Variants in NELL1 observed in about 807,000 individuals in gnomAD.
NELL1 encodes the protein protein kinase C-binding protein NELL1.
In NELL1, 76 loss-of-function variants were observed where a neutral mutation model predicts 107.4. The observed-to-expected ratio is 0.71, with a 90% CI of 0.59 to 0.86. The LOEUF (loss-of-function observed/expected upper bound fraction) is 0.86, where lower values mean the gene tolerates loss of function less well. Ranked by LOEUF, NELL1 falls within the 40% of genes least tolerant of loss-of-function variation. The pLI is 0.00. For synonymous variants in NELL1, 353 were observed against 341.2 expected, an observed-to-expected ratio of 1.03 and a Z score of -0.38; for missense variants, 1,024 against 1,005.5, an observed-to-expected ratio of 1.02 and a Z score of -0.25.
intron 3 of NELL1, among the ~76,000 whole-genome samples, chr11:20,788,052 A>T (rs1857003720): frequency 1.3e-5 from 2 of 152,090 alleles, no homozygotes; most frequent in Non-Finnish European, 2.9e-5. Context: ...ACTTCTTTTT[A>T]TTGCAGAATA....
chr11:21,172,616 A>G (rs1376634920), intron 13 of NELL1, among the ~76,000 whole-genome samples: 1 of 151,758 alleles, frequency 6.6e-6, no homozygotes, highest in Non-Finnish European at 1.5e-5. Context: ...GATTAATCCC[A>G]TGGGCTATTT....
At chr11:21,009,671 A>G (rs1457643229) in intron 12 of NELL1, among the ~76,000 whole-genome samples, 3 of 152,060 alleles carry the variant, frequency 2.0e-5, no homozygotes, top group African/African-American at 7.2e-5. Flanking sequence ...TATATTTGAC[A>G]TGCCCGTAGA....
chr11:20,878,941 T>A (rs996694116), intron 4 of NELL1, among the ~76,000 whole-genome samples: 5 of 152,120 alleles, frequency 3.3e-5, no homozygotes, highest in African/African-American at 1.2e-4. Flanking sequence ...ACAAGCTAAG[T>A]GATGGAGACT....
chr11:20,877,403 G>C (rs983467416), intron 4 of NELL1, among the ~76,000 whole-genome samples: 9 of 152,172 alleles, frequency 5.9e-5, no homozygotes, highest in Admixed American at 1.3e-4. Context: ...ATTAGGAAAG[G>C]TACTGTGGAG....
intron 10 of NELL1, among the ~76,000 whole-genome samples, chr11:20,942,175 G>C (rs1190775091): frequency 6.6e-6 from 1 of 152,214 alleles, no homozygotes; most frequent in East Asian, 1.9e-4. Context: ...TTTATGGAGA[G>C]CTGGGAAGGA....
chr11:21,559,006 G>T (rs546653191), intron 16 of NELL1, among the ~76,000 whole-genome samples: 1 of 152,088 alleles, frequency 6.6e-6, no homozygotes, highest in East Asian at 1.9e-4. Context: ...TCATAATTTG[G>T]GATCTTTTCT....
intron 15 of NELL1, among the ~76,000 whole-genome samples, chr11:21,397,437 C>A (rs1475482681): frequency 6.6e-6 from 1 of 151,492 alleles, no homozygotes; most frequent in Non-Finnish European, 1.5e-5. Context: ...ATTACTCAGT[C>A]TTTATACTAA....
rs182578845 is a variant in NELL1 at position 20,908,081 on chromosome 11, C to T, written c.604-10101C>T. 4.5e-4 allele frequency among the ~76,000 whole-genome samples: 69 copies of T among 152,128 alleles called. No homozygotes were observed. The South Asian group carries it at 0.011, about 24-fold the overall frequency. On this transcript the variant is annotated intron_variant, in intron 5 of 19. Transcript: ENST00000357134. ...ATCCTGGTGAGGCTGTGGAGAAATA[C>T]GAACATTTTTATGCTATTGGTGGGA...
At chr11:21,277,103 G>A (rs1190840158) in intron 14 of NELL1, among the ~76,000 whole-genome samples, 23 of 151,642 alleles carry the variant, frequency 1.5e-4, no homozygotes, top group Admixed American at 5.3e-4. Context: ...CCATCAGAGT[G>A]AACAGGCAAC....
intron 3 of NELL1, among the ~76,000 whole-genome samples, chr11:20,835,490 G>T (rs1848516841): frequency 6.6e-6 from 1 of 152,102 alleles, no homozygotes. Context: ...TTTTGAGTGG[G>T]AGAATATGTA....
At chr11:21,417,095 A>G (rs974510815) in intron 15 of NELL1, among the ~76,000 whole-genome samples, 1 of 152,108 alleles carries the variant, frequency 6.6e-6, no homozygotes, top group Non-Finnish European at 1.5e-5. Flanking sequence ...AATATATACT[A>G]TTAAATGTGT....
chr11:21,241,603 T>C (rs1858361054), intron 14 of NELL1, among the ~76,000 whole-genome samples: 1 of 152,082 alleles, frequency 6.6e-6, no homozygotes, highest in South Asian at 2.1e-4. Flanking sequence ...AATGTACAAG[T>C]GTCAGCATAA....
chr11:21,057,598 A>G (rs1853642912), intron 12 of NELL1, among the ~76,000 whole-genome samples: 1 of 152,018 alleles, frequency 6.6e-6, no homozygotes, highest in African/African-American at 2.4e-5. Flanking sequence ...CATACAATTA[A>G]AAAGTAGTAT....
intron 12 of NELL1, among the ~76,000 whole-genome samples, chr11:20,998,613 G>A (rs1852144641): frequency 6.6e-6 from 1 of 152,144 alleles, no homozygotes. Flanking sequence ...AATGCATCTT[G>A]AGAACTGTTA....
intron 14 of NELL1, among the ~76,000 whole-genome samples, chr11:21,301,416 G>A (rs1849489629): frequency 6.6e-6 from 1 of 152,032 alleles, no homozygotes; most frequent in South Asian, 2.1e-4. Context: ...ATTGTTTCAG[G>A]ACTTTTTAAT....
intron 5 of NELL1, among the ~76,000 whole-genome samples, chr11:20,902,198 T>A (rs1404683047): frequency 6.6e-6 from 1 of 151,636 alleles, no homozygotes; most frequent in African/African-American, 2.4e-5. Context: ...AGTGTGACAA[T>A]ACATCAAGGA....
intron 12 of NELL1, among the ~76,000 whole-genome samples, chr11:21,108,386 T>C (rs1855021194): frequency 6.6e-6 from 1 of 152,124 alleles, no homozygotes; most frequent in Non-Finnish European, 1.5e-5. Flanking sequence ...CATTTTACAG[T>C]CCATAAGTAC....
intron 2 of NELL1, 127 bp from the exon 3 acceptor site, chr11:20,783,553 T>A: frequency 1.6e-6 from 1 of 625,200 alleles, no homozygotes; most frequent in Non-Finnish European, 2.6e-6. Context: ...ATGACATTTT[T>A]AACCATGGAT....
At chr11:20,893,492 A>G (rs1564953998) in intron 5 of NELL1, among the ~76,000 whole-genome samples, 1 of 151,994 alleles carries the variant, frequency 6.6e-6, no homozygotes, top group Non-Finnish European at 1.5e-5. Context: ...AAGTGTTCTA[A>G]GTGGTCAGAA....
Sources: gnomAD v4.1 joint callset for allele counts (sites outside exome capture counted in the v4.1 genomes callset) on GRCh38, gnomAD v4.1.1 for gene constraint, MANE v1.5 for transcripts, NCBI Gene and HGNC (gene_info 2026-07-23, HGNC 2026-07-21) for gene names.